The following TXNRD2 variants were observed in gnomAD, a reference collection of about 807,000 sequenced individuals.
TXNRD2 encodes the protein thioredoxin reductase 2.
TXNRD2 carries 67 observed loss-of-function variants against 70.8 expected under a neutral mutation model. That is an observed-to-expected ratio of 0.95 (90% CI 0.78 to 1.16). TXNRD2 has a LOEUF of 1.16. TXNRD2 is among the 50% of genes most tolerant of loss of function. TXNRD2 has a pLI of 0.00. For synonymous variants in TXNRD2, 301 were observed against 295.8 expected (o/e 1.02, Z -0.18); for missense variants, 644 against 719.9 (o/e 0.89, Z 1.21).
intron 11 of TXNRD2, among the ~76,000 whole-genome samples, chr22:19,884,951 C>T (rs1177895678): frequency 2.0e-5 from 3 of 152,228 alleles, no homozygotes; most frequent in Non-Finnish European, 4.4e-5. Flanking sequence ...AGTGTCCAAA[C>T]TACACCGTGC....
At chr22:19,898,988 G>A (rs1939648061) in intron 9 of TXNRD2, 61 bp downstream of exon 9, 11 of 1,598,598 alleles carry the variant, frequency 6.9e-6, no homozygotes, top group Non-Finnish European at 9.3e-6. Flanking sequence ...TGGCAGGGAG[G>A]GACTCAAGGG....
chr22:19,922,161 CA>C (rs201061969), intron 2 of TXNRD2, among the ~76,000 whole-genome samples: 3 of 150,314 alleles, frequency 2.0e-5, no homozygotes, highest in Admixed American at 6.6e-5. Context: ...ATAAAGGGGA[CA>C]AAAAAAAATC....
At position 19,895,387 on chromosome 22, in the gene TXNRD2, G is replaced by C. The variant is rs1369262454; in HGVS notation, c.949+20C>G. On this transcript the variant is annotated intron_variant, in intron 11 of 17. Transcript: ENST00000400521. Reference sequence around the variant, plus strand: ...CTCGGGGAGACCAGAGACAGAGCGTGTGGCTCGACGTGCCCTTACCTATGG... The same window carrying C: ...CTCGGGGAGACCAGAGACAGAGCGTCTGGCTCGACGTGCCCTTACCTATGG... 1 of 1,613,714 alleles carries C rather than the reference G, an allele frequency of 6.2e-7. No individual in the cohort carries two copies. Among genetic ancestry groups the C allele is most frequent in the East Asian group, 2.2e-5 (1 of 44,880 alleles).
chr22:19,928,694 G>A (rs1908721295), intron 2 of TXNRD2, among the ~76,000 whole-genome samples: 1 of 152,154 alleles, frequency 6.6e-6, no homozygotes, highest in Admixed American at 6.6e-5. Context: ...ACTGTATTTA[G>A]AGATAGGGTC....
chr22:19,918,403 A>C (rs1325658419), intron 4 of TXNRD2, among the ~76,000 whole-genome samples, 186 bp from the exon 5 acceptor site: 1 of 152,226 alleles, frequency 6.6e-6, no homozygotes, highest in African/African-American at 2.4e-5. Flanking sequence ...AGGGCTGCAG[A>C]CCTTTGGACT....
chr22:19,879,982 C>T (rs1938687784), intron 14 of TXNRD2, among the ~76,000 whole-genome samples, 197 bp downstream of exon 14: 1 of 152,228 alleles, frequency 6.6e-6, no homozygotes, highest in African/African-American at 2.4e-5. Context: ...AGCCCAGTCA[C>T]CCCAAGGCTG....
At chr22:19,894,976 A>G in intron 11 of TXNRD2, 2 of 1,461,304 alleles carry the variant, frequency 1.4e-6, no homozygotes, top group South Asian at 1.4e-5. Flanking sequence ...TCTCAAAAAA[A>G]AAAAAAAAAA....
chr22:19,878,426 G>C lies in TXNRD2; in HGVS notation c.1287C>G (p.Ala429=). The C allele has an allele frequency of 6.2e-7, 1 of 1,613,646 alleles. No individual in the cohort carries two copies. Among genetic ancestry groups the C allele is most frequent in the Non-Finnish European group, 8.5e-7 (1 of 1,180,012 alleles). The change falls in exon 15 of 18, where the codon GCC becomes GCG. Residue 429 remains alanine, a synonymous_variant. Transcript: ENST00000400521. The part of the protein sequence containing the change: ...HGQEHVEVYH[A]HYKPLEFTVA... The stretch of plus-strand genomic sequence containing the variant: ...CCGTGAACTCCAGTGGTTTATAATG[G>C]GCGTGATAGACCTGAGGACAGGATA...
intron 8 of TXNRD2, among the ~76,000 whole-genome samples, chr22:19,899,667 C>G (rs1939683132): frequency 6.6e-6 from 1 of 152,268 alleles, no homozygotes; most frequent in Non-Finnish European, 1.5e-5. Flanking sequence ...TGAAAACCCT[C>G]TATTGTTCAA....
In TXNRD2 at chr22:19,879,421, C is replaced by A. The variant is rs1938654049; in HGVS notation, c.1275+758G>T. ...AGCCCCCGCATCCCTCCAGGCCACC[C>A]CGGAGCCACAGCCACCTGCCAGAGC... On this transcript the variant is annotated intron_variant, in intron 14 of 17. Transcript: ENST00000400521. 3.3e-5 allele frequency among the ~76,000 whole-genome samples: 5 copies of A among 152,308 alleles called. No individual in the cohort carries two copies. The South Asian group carries it at 1.0e-3, about 32-fold the overall frequency.
At chr22:19,918,088 G>C in intron 5 of TXNRD2, 55 bp downstream of exon 5, 1 of 1,472,376 alleles carries the variant, frequency 6.8e-7, no homozygotes, top group Non-Finnish European at 9.5e-7. Context: ...TCCAGGCACA[G>C]AACGCCCAAG....
intron 1 of TXNRD2, among the ~76,000 whole-genome samples, chr22:19,940,623 C>T (rs1013476467): frequency 6.6e-6 from 1 of 152,168 alleles, no homozygotes; most frequent in Admixed American, 6.5e-5. Context: ...TTCTGAACCC[C>T]ATGATAAATG....
chr22:19,883,420 C>A lies in TXNRD2; in HGVS notation c.991G>T (p.Gly331Trp), dbSNP rs1301100686. Residue 331 changes from glycine to tryptophan, a missense_variant, in exon 12 of 18, where the codon GGG becomes TGG. Around this residue, in one of 3 missense-constraint regions of TXNRD2, gnomAD observed 566 missense variants for 645.0 expected, o/e 0.88. Transcript: ENST00000400521. The stretch of plus-strand genomic sequence containing the variant: ...TGAGTGTCGGGGCTAGTATCTACCC[C>A]AGCCTTCTCCAAATTCAGACTTCTG... ...DTRSLNLEKA[G>W]VDTSPDTQKI... 3 of 1,613,960 alleles carry A rather than the reference C, an allele frequency of 1.9e-6. No individual in the cohort carries two copies. The highest frequency in any genetic ancestry group is 2.5e-6 in the Non-Finnish European group (3 of 1,180,042).
chr22:19,928,773 G>A lies in TXNRD2; in HGVS notation c.172+2257C>T, dbSNP rs920788113. ...TGTAATCCCAGAACTTTGGGAGGCC[G>A]AGGCAGGCGGATCCCTTGAGGCCAG... On this transcript the variant is annotated intron_variant, in intron 2 of 17. Coordinates refer to ENST00000400521, the MANE Select transcript of TXNRD2 (RefSeq NM_006440.5). 2.0e-5 allele frequency among the ~76,000 whole-genome samples: 3 copies of A among 152,282 alleles called. No homozygotes were observed. The East Asian group carries it at 5.8e-4, about 29-fold the overall frequency.
At chr22:19,941,568 A>T in intron 1 of TXNRD2, 133 bp downstream of exon 1, 1 of 1,304,714 alleles carries the variant, frequency 7.7e-7, no homozygotes, top group Non-Finnish European at 9.8e-7. Context: ...GACTAGACCA[A>T]GAGGCCGGTA....
rs1382565894 is a variant in TXNRD2 at position 19,878,071 on chromosome 22, T to C, written c.1445+19A>G. The C allele has an allele frequency of 1.2e-6, 2 of 1,607,384 alleles. No individual in the cohort carries two copies. Among genetic ancestry groups the C allele is most frequent in the African/African-American group, 2.7e-5 (2 of 74,804 alleles). ...CCCAGCTGCACATCGCATCGCAGCC[T>C]GCATTCCTCGGGACTTACTTGATCC... On this transcript the variant is annotated intron_variant, in intron 16 of 17. Transcript: ENST00000400521.
chr22:19,928,920 C>T (rs1001792020), intron 2 of TXNRD2, among the ~76,000 whole-genome samples: 6 of 150,236 alleles, frequency 4.0e-5, no homozygotes, highest in Non-Finnish European at 5.9e-5. Context: ...GCAGGAGAAT[C>T]GCTTGAACCC....
chr22:19,932,029 TG>T (rs1293457424), intron 1 of TXNRD2, among the ~76,000 whole-genome samples: 3 of 151,108 alleles, frequency 2.0e-5, no homozygotes, highest in African/African-American at 7.3e-5. Context: ...GGCATGGTGG[TG>T]GGCGCCTGTA....
chr22:19,918,919 G>A lies in TXNRD2; in HGVS notation c.315C>T (p.Gly105=), dbSNP rs1208235233. Reference sequence around the variant, plus strand: ...CATAGTTGGGGGCATCTTGGATCAGGCCTCCCAGCAGTGCCGCCTGGTGCA... The same window carrying A: ...CATAGTTGGGGGCATCTTGGATCAGACCTCCCAGCAGTGCCGCCTGGTGCA... ...KLMHQAALLG[G]LIQDAPNYGW... Residue 105 remains glycine, a synonymous_variant, in exon 4 of 18, where the codon GGC becomes GGT. Transcript: ENST00000400521. The A allele has an allele frequency of 6.2e-7, 1 of 1,612,754 alleles. No homozygotes were observed.
Sources: allele counts gnomAD v4.1 joint callset (sites outside exome capture counted in the v4.1 genomes callset), GRCh38; gene constraint gnomAD v4.1.1; regional missense constraint gnomAD v4.1.1; transcripts MANE v1.5; gene names NCBI Gene and HGNC (gene_info 2026-07-23, HGNC 2026-07-21).